SMIM19: variants seen among roughly 807,000 people sequenced by gnomAD.
SMIM19 encodes the protein UPF0697 protein C8orf40.
In SMIM19, 6 loss-of-function variants were observed where a neutral mutation model predicts 13.2. That is an observed-to-expected ratio of 0.45 (90% CI 0.25 to 0.90). The LOEUF (loss-of-function observed/expected upper bound fraction) is 0.90, where lower values mean the gene tolerates loss of function less well. Ranked by LOEUF, SMIM19 falls within the 40% of genes least tolerant of loss-of-function variation. The probability of loss-of-function intolerance (pLI) is 0.19; values close to 1 mark genes in which losing one functional copy is unlikely to be tolerated. For synonymous variants in SMIM19, 46 were observed against 43.1 expected (o/e 1.07, Z -0.27); for missense variants, 138 against 131.0 (o/e 1.05, Z -0.26).
chr8:42,545,981 C>T (rs543940977), intron 1 of SMIM19, among the ~76,000 whole-genome samples: 18 of 152,228 alleles, frequency 1.2e-4, no homozygotes, highest in Admixed American at 1.3e-4. Context: ...GTTTTGTGGG[C>T]TTTGAAACAA....
chr8:42,545,106 AAAAC>A (rs1023230685), intron 1 of SMIM19, among the ~76,000 whole-genome samples: 1 of 152,256 alleles, frequency 6.6e-6, no homozygotes, highest in African/African-American at 2.4e-5. Flanking sequence ...TAGAGTGTCT[AAAAC>A]AACACTTCTG....
intron 1 of SMIM19, among the ~76,000 whole-genome samples, chr8:42,542,928 C>T (rs373304438): frequency 6.7e-6 from 1 of 150,002 alleles, no homozygotes; most frequent in Non-Finnish European, 1.5e-5. Context: ...TGCAGTGAGC[C>T]GAGATCGCAC....
Position 42,548,726 on chromosome 8 carries a change from T to C in SMIM19, c.205T>C (p.Tyr69His). The C allele has an allele frequency of 6.2e-7, 1 of 1,614,022 alleles. No homozygotes were observed. The change falls in exon 3 of 4, where the codon TAT (tyrosine) becomes CAT (histidine). Residue 69 changes from tyrosine (Y) to histidine (H), a missense_variant. Transcript: ENST00000417410. ...GGAAACTTTGTCAGAGCCCAACTTT[T>C]ATGACACGATAAGCAAGATTCGTTT... is the stretch of plus-strand genomic sequence containing the variant. ...TEETLSEPNF[Y>H]DTISKIRLRQ...
In SMIM19 at chr8:42,542,340, C is replaced by A; in HGVS notation, c.-38C>A. ...TGGACTGCCCAGCACCTGTGAATTG[C>A]TTTCCTGGATGTTGGGTGAAGGCCT... On this transcript the variant is annotated 5_prime_UTR_variant, in exon 1 of 4. Coordinates refer to ENST00000417410, the MANE Select transcript of SMIM19 (RefSeq NM_001135674.2). 1.5e-6 allele frequency: 1 copy of A among 666,012 alleles called. No homozygotes were observed. Among genetic ancestry groups the A allele is most frequent in the Non-Finnish European group, 1.9e-6 (1 of 538,260 alleles). 41.3% of individuals were successfully genotyped at this position (666,012 alleles called of 1,614,324 possible). A position where few individuals can be genotyped will look rare whatever the true frequency, so the allele number is the denominator to read the frequency against.
chr8:42,541,342 C>A (rs1813130803), upstream of SMIM19: 1 of 148,194 alleles, frequency 6.7e-6, no homozygotes, highest in Non-Finnish European at 1.5e-5. Context: ...CCAGCCCTGG[C>A]CCCCACCCGC....
At chr8:42,543,067 A>C (rs891239980) in intron 1 of SMIM19, among the ~76,000 whole-genome samples, 5 of 152,062 alleles carry the variant, frequency 3.3e-5, no homozygotes, top group Non-Finnish European at 7.4e-5. Context: ...GCAAGTTTAT[A>C]TACTCTTGTT....
rs1431827926 is a variant in SMIM19, at chr8:42,554,552, C to T, written c.*1944C>T. 6.6e-6 allele frequency: 1 copy of T among 152,232 alleles called. No individual in the cohort carries two copies. The highest frequency in any genetic ancestry group is 2.4e-5 in the African/African-American group (1 of 41,454). The allele number at this position is 152,232 out of a possible 1,614,324, so 9.4% of individuals were successfully genotyped here. A position where few individuals can be genotyped will look rare whatever the true frequency, so the allele number is the denominator to read the frequency against. ...ATGAGCATCAAGCCCTGGCAAGTGA[C>T]AGGAGATGAATTCCTCTCCGTTTTT... On this transcript the variant is annotated 3_prime_UTR_variant, in exon 4 of 4. Coordinates refer to ENST00000417410, the MANE Select transcript of SMIM19 (RefSeq NM_001135674.2).
At position 42,548,593 on chromosome 8, in the gene SMIM19, G is replaced by C; in HGVS notation, c.135-63G>C. 3.1e-6 allele frequency: 5 copies of C among 1,593,694 alleles called. No homozygotes were observed. The South Asian group carries it at 5.6e-5, about 18-fold the overall frequency. On this transcript the variant is annotated intron_variant, in intron 2 of 3. Transcript: ENST00000417410. The stretch of plus-strand genomic sequence containing the variant: ...CACAGCTTCTGATGACCAGGATCAT[G>C]AGCATATTACAACTCTATAGACATT...
At position 42,552,766 on chromosome 8, in the gene SMIM19, A is replaced by C; in HGVS notation, c.*158A>C. The C allele has an allele frequency of 1.2e-6, 1 of 811,180 alleles. No individual in the cohort carries two copies. The highest frequency in any genetic ancestry group is 1.9e-6 in the Non-Finnish European group (1 of 527,802). The allele number at this position is 811,180 out of a possible 1,614,324, so 50.2% of individuals were successfully genotyped here. A position where few individuals can be genotyped will look rare whatever the true frequency, so the allele number is the denominator to read the frequency against. ...GCATTGTTTTGCCTTTTTAAATTAC[A>C]TCTCCAAGTGGCTCAAAAGGCCTTG... is the stretch of plus-strand genomic sequence containing the variant. On this transcript the variant is annotated 3_prime_UTR_variant, in exon 4 of 4. Transcript: ENST00000417410.
rs1166607388 is a variant in SMIM19 at position 42,554,820 on chromosome 8, T to A, written c.*2212T>A. On this transcript the variant is annotated 3_prime_UTR_variant, in exon 4 of 4. Transcript: ENST00000417410. Reference sequence around the variant, plus strand: ...AATAAGCTAGTAATTAACCCTTGTATTCTTTTTCTGGTTTCATCTTCCTGT... The same window carrying A: ...AATAAGCTAGTAATTAACCCTTGTAATCTTTTTCTGGTTTCATCTTCCTGT... The A allele has an allele frequency of 2.0e-5, 3 of 152,268 alleles. No individual in the cohort carries two copies. The highest frequency in any genetic ancestry group is 4.4e-5 in the Non-Finnish European group (3 of 68,064). 9.4% of individuals were successfully genotyped at this position (152,268 alleles called of 1,614,324 possible). A position where few individuals can be genotyped will look rare whatever the true frequency, so the allele number is the denominator to read the frequency against.
intron 2 of SMIM19, among the ~76,000 whole-genome samples, chr8:42,547,580 T>C (rs181013658): frequency 4.6e-5 from 7 of 152,362 alleles, no homozygotes; most frequent in Non-Finnish European, 8.8e-5. Context: ...GATCTCCCTT[T>C]AGCCAGTATA....
At chr8:42,543,255 CGGGGAGGA>C in intron 1 of SMIM19, among the ~76,000 whole-genome samples, 1 of 152,168 alleles carries the variant, frequency 6.6e-6, no homozygotes, top group African/African-American at 2.4e-5. Flanking sequence ...TGTGGCATGC[CGGGGAGGA>C]GGGGACGGGG....
In SMIM19 at chr8:42,541,656, G is replaced by GCCGCTCA. The variant is rs1178637383; in HGVS notation, c.-720_-719insGCTCACC. 2 of 149,824 alleles carry GCCGCTCA rather than the reference G, an allele frequency of 1.3e-5. No individual in the cohort carries two copies. The highest frequency in any genetic ancestry group is 3.0e-5 in the Non-Finnish European group (2 of 67,238). The allele number at this position is 149,824 out of a possible 1,614,324, so 9.3% of individuals were successfully genotyped here. ...CCCGGCCCCGACTCCGGGGTAAAGA[G>GCCGCTCA]CCCCGGAGCGGAGCAGCGCTGGCCG... is the stretch of plus-strand genomic sequence containing the variant. On this transcript the variant is annotated 5_prime_UTR_variant, in exon 1 of 4. Coordinates refer to ENST00000417410, the MANE Select transcript of SMIM19 (RefSeq NM_001135674.2).
In SMIM19 at chr8:42,546,798, C is replaced by T. The variant is rs374297480; in HGVS notation, c.134+192C>T. Among the ~76,000 whole-genome samples, 7 of 151,428 alleles carry T rather than the reference C, an allele frequency of 4.6e-5. 1 individual carries two copies. The East Asian group carries it at 1.4e-3, about 30-fold the overall frequency. On this transcript the variant is annotated intron_variant, in intron 2 of 3. Coordinates refer to ENST00000417410, the MANE Select transcript of SMIM19 (RefSeq NM_001135674.2). ...AGGAAATTGAGACCATCCTGGCCAA[C>T]ATGGTGAAACCCTGTCTCTACTAAA... is the stretch of plus-strand genomic sequence containing the variant.
chr8:42,550,381 G>A (rs989629895), intron 3 of SMIM19, among the ~76,000 whole-genome samples: 13 of 152,092 alleles, frequency 8.5e-5, no homozygotes, highest in Non-Finnish European at 1.6e-4. Flanking sequence ...GTTGTCTCAC[G>A]GTTCGGTGGG....
At chr8:42,547,492 A>G (rs550344928) in intron 2 of SMIM19, among the ~76,000 whole-genome samples, 1 of 152,276 alleles carries the variant, frequency 6.6e-6, no homozygotes, top group African/African-American at 2.4e-5. Flanking sequence ...GCCTGGGTTC[A>G]TTGTCACCCT....
At chr8:42,548,311 T>A (rs1217790778) in intron 2 of SMIM19, 1 of 447,706 alleles carries the variant, frequency 2.2e-6, no homozygotes. Flanking sequence ...GTCATTTAGC[T>A]TTATCTGGAT....
intron 2 of SMIM19, among the ~76,000 whole-genome samples, chr8:42,547,816 A>G (rs1004047769): frequency 6.6e-6 from 1 of 152,154 alleles, no homozygotes. Flanking sequence ...CTCCTTTCCC[A>G]GAAGTACAGT....
chr8:42,545,409 A>T (rs1813444808), intron 1 of SMIM19, among the ~76,000 whole-genome samples: 1 of 152,178 alleles, frequency 6.6e-6, no homozygotes, highest in South Asian at 2.1e-4. Context: ...AAAACTAGAT[A>T]AAGCTCTAAA....
Sources: allele counts gnomAD v4.1 joint callset (sites outside exome capture counted in the v4.1 genomes callset), GRCh38; gene constraint gnomAD v4.1.1; transcripts MANE v1.5; gene names NCBI Gene and HGNC (gene_info 2026-07-23, HGNC 2026-07-21).